Variants in NOXRED1 observed in about 807,000 individuals in gnomAD.
The protein encoded by NOXRED1 is NADP dependent oxidoreductase domain containing 1, also known as NADP-dependent oxidoreductase domain-containing protein 1.
Under a neutral mutation model 30.4 loss-of-function variants are expected in NOXRED1, and 20 were observed. The ratio of observed to expected loss-of-function variants is 0.66; its 90% CI spans 0.46 to 0.96. The LOEUF is 0.96. Ranked by LOEUF, NOXRED1 falls within the 40% of genes least tolerant of loss-of-function variation. The probability of loss-of-function intolerance (pLI) is 0.00; values close to 1 mark genes in which losing one functional copy is unlikely to be tolerated. For synonymous variants in NOXRED1, 155 were observed against 168.0 expected (o/e 0.92, Z 0.60); for missense variants, 374 against 428.0 (o/e 0.87, Z 1.11).
upstream of NOXRED1, among the ~76,000 whole-genome samples, chr14:77,424,141 G>A (rs1456385299): frequency 7.2e-5 from 11 of 152,182 alleles, no homozygotes; most frequent in Admixed American, 6.5e-4. Context: ...GTTATATGAC[G>A]ACACCATCTC....
intron 1 of NOXRED1, among the ~76,000 whole-genome samples, chr14:77,414,663 C>T (rs1210139709): frequency 6.6e-6 from 1 of 152,082 alleles, no homozygotes; most frequent in Non-Finnish European, 1.5e-5. Context: ...TTTCAAGGGA[C>T]CAAAATTTAA....
chr14:77,425,698 T>G (rs1895105791), upstream of NOXRED1, among the ~76,000 whole-genome samples: 1 of 152,274 alleles, frequency 6.6e-6, no homozygotes, highest in African/African-American at 2.4e-5. Context: ...GGGGCTGTCC[T>G]GTGGATTGTA....
At chr14:77,417,257 C>T (rs1036153361) in intron 1 of NOXRED1, among the ~76,000 whole-genome samples, 17 of 152,062 alleles carry the variant, frequency 1.1e-4, no homozygotes, top group African/African-American at 2.9e-4. Flanking sequence ...TTGAAAAGAA[C>T]GTGTATTCTG....
chr14:77,399,419 C>T (rs545515870), intron 5 of NOXRED1, among the ~76,000 whole-genome samples: 2 of 152,252 alleles, frequency 1.3e-5, no homozygotes, highest in African/African-American at 2.4e-5. Context: ...CACTGCACTC[C>T]GGCCTGGGTA....
In NOXRED1 at chr14:77,407,339, C is replaced by G. The variant is rs916262416; in HGVS notation, c.530+126G>C. 3 of 706,888 alleles carry G rather than the reference C, an allele frequency of 4.2e-6. No homozygotes were observed. In the African/African-American group the frequency reaches 5.3e-5, roughly 13 times the overall value. 43.8% of individuals were successfully genotyped at this position (706,888 alleles called of 1,614,324 possible). On this transcript the variant is annotated intron_variant, in intron 3 of 5. Transcript: ENST00000380835. ...CTATGTTCTTCTACAGATAAAGCTG[C>G]TTCCTCCTTATTACTGGAAACAACC...
At chr14:77,405,678 A>G (rs946637224) in intron 5 of NOXRED1, among the ~76,000 whole-genome samples, 4 of 152,240 alleles carry the variant, frequency 2.6e-5, no homozygotes, top group Admixed American at 1.3e-4. Flanking sequence ...TTATAACAAT[A>G]TAAATGTTTG....
chr14:77,405,169 CG>C (rs1435971367), intron 5 of NOXRED1, among the ~76,000 whole-genome samples: 1 of 152,148 alleles, frequency 6.6e-6, no homozygotes, highest in African/African-American at 2.4e-5. Flanking sequence ...CCAAGGCGGG[CG>C]GATCACTTGA....
chr14:77,405,996 A>C lies in NOXRED1; in HGVS notation c.822T>G (p.Cys274Trp). Residue 274 changes from cysteine to tryptophan, a missense_variant, in exon 5 of 6, where the codon TGT (cysteine) becomes TGG (tryptophan). By Grantham distance (215) the Cys-to-Trp change is radical. Coordinates refer to ENST00000380835, the MANE Select transcript of NOXRED1 (RefSeq NM_001113475.3). The part of the protein sequence containing the change: ...ELFLSVHFED[C>W]GKDTASCPKL... ...TTGGGCAAGATGCTGTGTCTTTCCC[A>C]CAGTCTTCAAAGTGCACGGAGAGAA... 6.2e-7 allele frequency: 1 copy of C among 1,613,834 alleles called. No individual in the cohort carries two copies. The highest frequency in any genetic ancestry group is 1.1e-5 in the South Asian group (1 of 91,078).
chr14:77,406,287 C>G (rs747022050), intron 4 of NOXRED1, 152 bp from the exon 5 acceptor site: 104 of 620,464 alleles, frequency 1.7e-4, no homozygotes, highest in Non-Finnish European at 2.7e-4. Flanking sequence ...CCTTCCTGAG[C>G]CACAAGTGCT....
chr14:77,421,642 G>A (rs1007840825), intron 1 of NOXRED1, among the ~76,000 whole-genome samples: 1 of 152,232 alleles, frequency 6.6e-6, no homozygotes, highest in African/African-American at 2.4e-5. Flanking sequence ...GAAGATTTCA[G>A]ACCACTATTT....
chr14:77,422,327 G>A (rs1198421031), intron 1 of NOXRED1, among the ~76,000 whole-genome samples: 2 of 152,154 alleles, frequency 1.3e-5, no homozygotes, highest in Non-Finnish European at 2.9e-5. Flanking sequence ...GTCCCGGGTA[G>A]CTTCCTGTAA....
intron 2 of NOXRED1, among the ~76,000 whole-genome samples, chr14:77,408,227 A>G (rs905536481): frequency 2.6e-5 from 4 of 151,824 alleles, no homozygotes; most frequent in Non-Finnish European, 5.9e-5. Flanking sequence ...ATTTTTTTTT[A>G]AGACAGGGTC....
At chr14:77,413,148 A>G (rs1390302823) in intron 2 of NOXRED1, among the ~76,000 whole-genome samples, 1 of 152,156 alleles carries the variant, frequency 6.6e-6, no homozygotes, top group Non-Finnish European at 1.5e-5. Context: ...TCATCTCCCC[A>G]GAAAAAGTTG....
In NOXRED1 at chr14:77,407,462, T is replaced by C; in HGVS notation, c.530+3A>G. 6.2e-7 allele frequency: 1 copy of C among 1,610,596 alleles called. No homozygotes were observed. Among genetic ancestry groups the C allele is most frequent in the South Asian group, 1.1e-5 (1 of 90,968 alleles). On this transcript the variant is annotated splice_donor_region_variant and intron_variant, in intron 3 of 5. Transcript: ENST00000380835. Reference sequence around the variant, plus strand: ...CAGTTCCATTCTCACCCTAACAAGATACCTGGGTAGTGGGATGGCAGCTAC... The same window carrying C: ...CAGTTCCATTCTCACCCTAACAAGACACCTGGGTAGTGGGATGGCAGCTAC...
chr14:77,395,101 T>C lies in NOXRED1; in HGVS notation c.906-296A>G, dbSNP rs529128827. On this transcript the variant is annotated intron_variant, in intron 5 of 5. Coordinates refer to ENST00000380835, the MANE Select transcript of NOXRED1 (RefSeq NM_001113475.3). ...ACCCTTTGCAGAAAATTTTTCTTTTTTTTCTTTCTTTTTTTTTTTTTTGAG... is the reference window on the plus strand; with the variant it reads ...ACCCTTTGCAGAAAATTTTTCTTTTCTTTCTTTCTTTTTTTTTTTTTTGAG... 3.4e-3 allele frequency among the ~76,000 whole-genome samples: 456 copies of C among 132,316 alleles called. 3 individuals are homozygous for C. The highest frequency in any genetic ancestry group is 0.014 in the African/African-American group (436 of 32,010). The allele number at this position is 132,316 out of a possible 152,430, so 86.8% of individuals were successfully genotyped here. A position where few individuals can be genotyped will look rare whatever the true frequency, so the allele number is the denominator to read the frequency against.
intron 1 of NOXRED1, 23 bp from the exon 2 acceptor site, chr14:77,414,150 C>T (rs8005759): frequency 0.52 from 760,069 of 1,465,370 alleles, 206,902 homozygotes; most frequent in East Asian, 0.94. Flanking sequence ...CACACAGACA[C>T]GTACATAAAT....
At chr14:77,398,699 G>A (rs902459513) in intron 5 of NOXRED1, among the ~76,000 whole-genome samples, 5 of 152,292 alleles carry the variant, frequency 3.3e-5, no homozygotes, top group South Asian at 2.1e-4. Flanking sequence ...GGCCGGGTGC[G>A]ATGGCTCATG....
chr14:77,407,143 A>G (rs764885345), intron 3 of NOXRED1, among the ~76,000 whole-genome samples: 4 of 152,242 alleles, frequency 2.6e-5, no homozygotes, highest in Non-Finnish European at 5.9e-5. Flanking sequence ...GTAACTTTTC[A>G]TGTTATTGAC....
At chr14:77,425,572 AAT>A (rs1269960975), upstream of NOXRED1, among the ~76,000 whole-genome samples, 2 of 152,236 alleles carry the variant, frequency 1.3e-5, no homozygotes, top group African/African-American at 4.8e-5. Flanking sequence ...AAAGGAACTA[AAT>A]ATGAGGTTAC....
Sources: allele counts gnomAD v4.1 joint callset (sites outside exome capture counted in the v4.1 genomes callset), GRCh38; gene constraint gnomAD v4.1.1; transcripts MANE v1.5; gene names NCBI Gene and HGNC (gene_info 2026-07-23, HGNC 2026-07-21).